RARB: variants seen among roughly 807,000 people sequenced by gnomAD.
RARB encodes HBV-activated protein.
A neutral mutation model predicts 51.9 loss-of-function variants in RARB; 17 were observed. That is an observed-to-expected ratio of 0.33 (90% CI 0.22 to 0.49). RARB has a LOEUF of 0.49. Among genes scored for constraint, RARB ranks in the 20% least tolerant of loss-of-function variants. The pLI, the probability that RARB is intolerant of heterozygous loss-of-function variation, is 0.99. For missense variants in RARB, 369 were observed against 550.8 expected (o/e 0.67, Z 3.30); for synonymous variants, 215 against 195.4 (o/e 1.10, Z -0.84).
At chr3:24,920,827 T>C (rs1176310768) in intron 2 of RARB, among the ~76,000 whole-genome samples, 2 of 152,198 alleles carry the variant, frequency 1.3e-5, no homozygotes, top group Non-Finnish European at 2.9e-5. Flanking sequence ...CTACTTCTAA[T>C]TGGATACTGC....
At chr3:25,153,824 G>C (rs1265222619) in intron 4 of RARB, among the ~76,000 whole-genome samples, 3 of 152,072 alleles carry the variant, frequency 2.0e-5, no homozygotes, top group Non-Finnish European at 4.4e-5. Context: ...TTATCTTTCT[G>C]CCACACTTTC....
intron 5 of RARB, among the ~76,000 whole-genome samples, chr3:25,262,441 G>C (rs182629318): frequency 5.9e-5 from 9 of 152,316 alleles, no homozygotes; most frequent in African/African-American, 1.7e-4. Context: ...CTGCATGTCT[G>C]AAATCTAATA....
intron 5 of RARB, among the ~76,000 whole-genome samples, chr3:25,225,293 G>C (rs1702031714): frequency 7.5e-6 from 1 of 133,914 alleles, no homozygotes; most frequent in African/African-American, 2.5e-5. Flanking sequence ...GGTGACTTGT[G>C]AGCTAGGCCT....
intron 3 of RARB, among the ~76,000 whole-genome samples, chr3:25,091,967 C>T (rs187685188): frequency 1.3e-5 from 2 of 152,236 alleles, no homozygotes; most frequent in Admixed American, 1.3e-4. Context: ...TCGGGGTGTG[C>T]TGTTTCACTC....
intron 5 of RARB, among the ~76,000 whole-genome samples, chr3:25,218,074 C>G (rs1011172180): frequency 2.0e-5 from 3 of 151,928 alleles, no homozygotes; most frequent in Admixed American, 2.0e-4. Flanking sequence ...CCTTTGTTTT[C>G]TGAATAAAGT....
At chr3:24,839,723 G>A (rs1443963858) in intron 1 of RARB, among the ~76,000 whole-genome samples, 3 of 20,804 alleles carry the variant, frequency 1.4e-4, no homozygotes, top group African/African-American at 5.0e-4. Flanking sequence ...AAAAAAAGGG[G>A]GGGGGGGTGG....
chr3:25,386,303 G>A (rs1044284628), intron 5 of RARB, among the ~76,000 whole-genome samples: 1 of 152,276 alleles, frequency 6.6e-6, no homozygotes, highest in South Asian at 2.1e-4. Flanking sequence ...TAGAGGCTGG[G>A]GTGGAGAGGG....
chr3:25,423,513 C>T (rs1021735796), upstream of RARB, among the ~76,000 whole-genome samples: 45 of 152,094 alleles, frequency 3.0e-4, no homozygotes, highest in Non-Finnish European at 5.0e-4. Flanking sequence ...AAACAGCACC[C>T]CCCCACACAA....
At chr3:25,184,630 T>G (rs1700934500) in intron 5 of RARB, among the ~76,000 whole-genome samples, 1 of 152,124 alleles carries the variant, frequency 6.6e-6, no homozygotes, top group South Asian at 2.1e-4. Context: ...GTGTGCCATT[T>G]TCTCTGTAAA....
intron 2 of RARB, among the ~76,000 whole-genome samples, chr3:25,487,637 G>A (rs1696536327): frequency 6.6e-6 from 1 of 152,110 alleles, no homozygotes; most frequent in African/African-American, 2.4e-5. Flanking sequence ...AAGAGATGAT[G>A]TTCTGAAATA....
At chr3:25,077,195 A>C (rs1166211689) in intron 3 of RARB, among the ~76,000 whole-genome samples, 2 of 152,220 alleles carry the variant, frequency 1.3e-5, no homozygotes, top group African/African-American at 4.8e-5. Flanking sequence ...AACCAAGTGC[A>C]TTGGAGCATT....
chr3:25,096,486 A>C (rs1275158147), intron 3 of RARB, among the ~76,000 whole-genome samples: 2 of 152,202 alleles, frequency 1.3e-5, no homozygotes, highest in African/African-American at 4.8e-5. Context: ...TGCCTTATAC[A>C]CAAAATATCC....
chr3:25,410,210 T>C (rs1332777789), intron 5 of RARB, among the ~76,000 whole-genome samples: 1 of 152,166 alleles, frequency 6.6e-6, no homozygotes, highest in Non-Finnish European at 1.5e-5. Flanking sequence ...GATTAGCAAA[T>C]ACATATAACC....
intron 5 of RARB, among the ~76,000 whole-genome samples, chr3:25,591,612 A>G (rs1443060811): frequency 6.6e-6 from 1 of 152,226 alleles, no homozygotes; most frequent in Non-Finnish European, 1.5e-5. Flanking sequence ...GTAACAATTC[A>G]TGGGTTGATA....
intron 2 of RARB, among the ~76,000 whole-genome samples, chr3:24,984,080 G>T (rs1696735332): frequency 6.6e-6 from 1 of 152,038 alleles, no homozygotes; most frequent in South Asian, 2.1e-4. Flanking sequence ...AATTATTAGG[G>T]AAAGCAATTT....
chr3:25,148,567 A>G (rs1288279231), intron 4 of RARB, among the ~76,000 whole-genome samples: 2 of 152,194 alleles, frequency 1.3e-5, no homozygotes, highest in Non-Finnish European at 2.9e-5. Context: ...ATTACTAAGT[A>G]ATCACTGTCG....
At chr3:25,549,478 G>A (rs968828339) in intron 3 of RARB, among the ~76,000 whole-genome samples, 2 of 152,190 alleles carry the variant, frequency 1.3e-5, no homozygotes, top group Admixed American at 1.3e-4. Flanking sequence ...ATCAAGCTGA[G>A]GATCTGATGA....
rs73157831 is a variant in RARB, at chr3:25,381,971, A to T, written c.179-79222A>T. ...ATCTCAATCCCTCACCACTACCACC[A>T]GCAACACCCCGAGCCATTGTAAAGT... is the stretch of plus-strand genomic sequence containing the variant. On this transcript the variant is annotated intron_variant, in intron 5 of 11. Transcript: ENST00000383772. Among the ~76,000 whole-genome samples, 809 of 152,332 alleles carry T rather than the reference A, an allele frequency of 5.3e-3. 10 individuals are homozygous for T. The highest frequency in any genetic ancestry group is 0.018 in the African/African-American group (766 of 41,580).
At chr3:25,492,752 C>G (rs1696804933) in intron 2 of RARB, among the ~76,000 whole-genome samples, 1 of 152,122 alleles carries the variant, frequency 6.6e-6, no homozygotes, top group African/African-American at 2.4e-5. Context: ...TTTCAAAATT[C>G]AGGCTTTCTT....
Sources: allele counts gnomAD v4.1 joint callset (sites outside exome capture counted in the v4.1 genomes callset), GRCh38; gene constraint gnomAD v4.1.1; transcripts MANE v1.5; gene names NCBI Gene and HGNC (gene_info 2026-07-23, HGNC 2026-07-21).